WDR64: variants seen among roughly 807,000 people sequenced by gnomAD.
WDR64 encodes the protein WD repeat domain 64.
WDR64 carries 112 observed loss-of-function variants against 139.3 expected under a neutral mutation model. The observed-to-expected ratio is 0.80, with a 90% CI of 0.69 to 0.94. The LOEUF (loss-of-function observed/expected upper bound fraction) is 0.94, where lower values mean the gene tolerates loss of function less well. WDR64 is among the 40% of genes least tolerant of loss of function. The pLI is 0.00. For missense variants in WDR64, 1,206 were observed against 1,293.1 expected, an observed-to-expected ratio of 0.93 and a Z score of 1.03; for synonymous variants, 444 against 437.7, an observed-to-expected ratio of 1.01 and a Z score of -0.18.
chr1:241,772,931 G>T lies in WDR64; in HGVS notation c.2430G>T (p.Glu810Asp). 2 of 1,549,294 alleles carry T rather than the reference G, an allele frequency of 1.3e-6. No homozygotes were observed. Among genetic ancestry groups the T allele is most frequent in the Middle Eastern group, 3.3e-4 (2 of 5,982 alleles). ...GACACCTCCGCTTGTGGACTCTGGA[G>T]GTAATGGAACCCAGCAAGTCTGGGA... ...EDGHLRLWTL[E>D]GRLLKDMLPF... Residue 810 changes from glutamate (E) to aspartate (D), a missense_variant and splice_region_variant, in exon 20 of 28, where the codon GAG becomes GAT. By Grantham distance (45) the Glu-to-Asp change is conservative. Coordinates refer to ENST00000437684, the MANE Select transcript of WDR64 (RefSeq NM_001367482.1).
intron 3 of WDR64, among the ~76,000 whole-genome samples, chr1:241,671,941 A>AG (rs1347856449): frequency 3.3e-5 from 5 of 152,230 alleles, no homozygotes; most frequent in South Asian, 2.1e-4. Context: ...GAGGAGGTCA[A>AG]GGGGGGATGG....
intron 9 of WDR64, among the ~76,000 whole-genome samples, chr1:241,717,264 G>A (rs535114428): frequency 9.9e-5 from 15 of 152,154 alleles, no homozygotes; most frequent in African/African-American, 3.4e-4. Flanking sequence ...GTCTCCCTCC[G>A]GAGCACATAA....
At chr1:241,652,993 C>T (rs576365343) in intron 1 of WDR64, among the ~76,000 whole-genome samples, 7 of 152,280 alleles carry the variant, frequency 4.6e-5, no homozygotes, top group African/African-American at 1.7e-4. Context: ...TTTTCTTAGC[C>T]TAAAGATATC....
chr1:241,791,675 G>GA (rs150419559), intron 25 of WDR64, among the ~76,000 whole-genome samples: 35 of 146,962 alleles, frequency 2.4e-4, no homozygotes, highest in Middle Eastern at 3.5e-3. Flanking sequence ...CTGTCTGGGG[G>GA]AAAAAAAAAA....
chr1:241,780,121 C>A, intron 22 of WDR64, 59 bp downstream of exon 22: 1 of 1,367,438 alleles, frequency 7.3e-7, no homozygotes, highest in African/African-American at 1.5e-5. Flanking sequence ...TTGAGCATTT[C>A]TCTGTGCTAG....
intron 10 of WDR64, among the ~76,000 whole-genome samples, chr1:241,731,853 G>A (rs1026791807): frequency 6.6e-6 from 1 of 152,138 alleles, no homozygotes; most frequent in Non-Finnish European, 1.5e-5. Flanking sequence ...TTCTTATTAA[G>A]TAATGTGTAA....
At chr1:241,725,158 A>C (rs1175042621) in intron 10 of WDR64, among the ~76,000 whole-genome samples, 1 of 152,202 alleles carries the variant, frequency 6.6e-6, no homozygotes, top group Admixed American at 6.5e-5. Flanking sequence ...GTTTAAGAAC[A>C]CAGACAGGTT....
chr1:241,652,573 A>C lies in WDR64; in HGVS notation c.89A>C (p.Glu30Ala), dbSNP rs774846141. 5.2e-5 allele frequency: 80 copies of C among 1,551,898 alleles called. No homozygotes were observed. Among genetic ancestry groups the C allele is most frequent in the Non-Finnish European group, 6.6e-5 (76 of 1,147,076 alleles). Residue 30 changes from glutamate to alanine, a missense_variant, in exon 1 of 28, where the codon GAA becomes GCA. Coordinates refer to ENST00000437684, the MANE Select transcript of WDR64 (RefSeq NM_001367482.1). ...TTGAACAGGTTTGAAAAATTGGTTG[A>C]ACAAACAGCAGCCCAGAAAAGAGAT... Reference protein sequence around the residue: ...KALNRFEKLVEQTAAQKRDER... With the variant: ...KALNRFEKLVAQTAAQKRDER...
intron 4 of WDR64, among the ~76,000 whole-genome samples, 184 bp from the exon 5 acceptor site, chr1:241,678,003 G>C (rs1474912921): frequency 6.6e-6 from 1 of 152,210 alleles, no homozygotes; most frequent in Non-Finnish European, 1.5e-5. Context: ...CTTGCTCACA[G>C]CAAACAGTGT....
At chr1:241,677,542 T>G (rs1300951400) in intron 4 of WDR64, among the ~76,000 whole-genome samples, 1 of 152,232 alleles carries the variant, frequency 6.6e-6, no homozygotes, top group Non-Finnish European at 1.5e-5. Context: ...ATACTTCAAC[T>G]ACTTGCCTTC....
chr1:241,680,980 A>G (rs1468649536), intron 6 of WDR64, among the ~76,000 whole-genome samples: 1 of 152,122 alleles, frequency 6.6e-6, no homozygotes, highest in African/African-American at 2.4e-5. Flanking sequence ...TACAGATTTA[A>G]CTGGAAACCA....
chr1:241,761,443 T>C (rs1476435955), intron 15 of WDR64, among the ~76,000 whole-genome samples: 1 of 152,018 alleles, frequency 6.6e-6, no homozygotes, highest in Non-Finnish European at 1.5e-5. Flanking sequence ...GAGTGGAGCA[T>C]CTTTTTAATA....
chr1:241,738,540 C>CT (rs1669414796), intron 11 of WDR64, 51 bp downstream of exon 11: 2 of 1,554,242 alleles, frequency 1.3e-6, no homozygotes, highest in African/African-American at 1.4e-5. Context: ...GATTTTTAAC[C>CT]TTTTTTTAAA....
Position 241,756,834 on chromosome 1 carries a change from G to C in WDR64, c.1771-449G>C, listed in dbSNP as rs190662428. On this transcript the variant is annotated intron_variant, in intron 14 of 27. Transcript: ENST00000437684. ...GCATCCTGAACATCCGTCAGTAGGG[G>C]AATGGACAAATAAATTGTAGTATGT... 4.8e-3 allele frequency among the ~76,000 whole-genome samples: 736 copies of C among 152,230 alleles called. 8 individuals carry two copies. The highest frequency in any genetic ancestry group is 0.017 in the African/African-American group (701 of 41,544).
intron 11 of WDR64, among the ~76,000 whole-genome samples, chr1:241,739,515 C>T (rs1486279033): frequency 6.6e-6 from 1 of 152,122 alleles, no homozygotes; most frequent in Non-Finnish European, 1.5e-5. Flanking sequence ...TAAAACAGGA[C>T]TTAGTTTTAG....
At chr1:241,797,896 C>A (rs1659411931) in intron 27 of WDR64, among the ~76,000 whole-genome samples, 1 of 151,978 alleles carries the variant, frequency 6.6e-6, no homozygotes, top group South Asian at 2.1e-4. Context: ...TGTCTATTTG[C>A]ACTCTTATTT....
chr1:241,665,685 A>C (rs1666001867), intron 2 of WDR64, among the ~76,000 whole-genome samples: 1 of 152,198 alleles, frequency 6.6e-6, no homozygotes. Context: ...GATCAAAAGA[A>C]ATATGACTGC....
intron 9 of WDR64, among the ~76,000 whole-genome samples, chr1:241,719,757 A>G (rs1337849672): frequency 6.6e-6 from 1 of 152,146 alleles, no homozygotes; most frequent in Non-Finnish European, 1.5e-5. Context: ...CAGATTAACT[A>G]GAATTACTAT....
rs566477409 is a variant in WDR64, at chr1:241,666,251, G to A, written c.277-4823G>A. ...GTCGAAAGAGAAATTTGAGATCGTA[G>A]AGGCTATGGCTCATCACAGGAGAAA... On this transcript the variant is annotated intron_variant, in intron 2 of 27. Coordinates refer to ENST00000437684, the MANE Select transcript of WDR64 (RefSeq NM_001367482.1). Among the ~76,000 whole-genome samples the A allele has an allele frequency of 7.2e-5, 11 of 152,292 alleles. 1 individual carries two copies. In the South Asian group the frequency reaches 2.3e-3, roughly 32 times the overall value.
Sources: gnomAD v4.1 joint callset for allele counts (sites outside exome capture counted in the v4.1 genomes callset) on GRCh38, gnomAD v4.1.1 for gene constraint, MANE v1.5 for transcripts, NCBI Gene and HGNC (gene_info 2026-07-23, HGNC 2026-07-21) for gene names.